APPL2: variants seen among roughly 807,000 people sequenced by gnomAD.
APPL2 encodes DCC-interacting protein 13-beta.
Under a neutral mutation model 92.7 loss-of-function variants are expected in APPL2, and 84 were observed. That is an observed-to-expected ratio of 0.91 (90% confidence interval 0.76 to 1.09). APPL2 has a LOEUF of 1.09. APPL2 is among the 50% of genes least tolerant of loss of function. The pLI, the probability that APPL2 is intolerant of heterozygous loss-of-function variation, is 0.00. For missense variants in APPL2, 736 were observed against 824.5 expected (o/e 0.89, Z 1.31); for synonymous variants, 291 against 291.0 (o/e 1.00, Z 0.00).
At chr12:105,177,361 A>G (rs749078433) in intron 17 of APPL2, 99 bp from the exon 18 acceptor site, 103 of 1,291,362 alleles carry the variant, frequency 8.0e-5, no homozygotes, top group Non-Finnish European at 1.1e-4. Context: ...ATTCCCCGAA[A>G]TAGAGATAAA....
At chr12:105,203,506 G>A (rs17036781) in intron 9 of APPL2, 197 bp downstream of exon 9, 31,230 of 571,728 alleles carry the variant, frequency 0.055, 1,139 homozygotes, top group African/African-American at 0.14. Flanking sequence ...GAGATCTGGA[G>A]AAAACTCTGC....
At chr12:105,212,388 T>C (rs1369335659) in intron 4 of APPL2, among the ~76,000 whole-genome samples, 15 of 152,230 alleles carry the variant, frequency 9.9e-5, no homozygotes, top group Admixed American at 5.9e-4. Flanking sequence ...ATACGCTCAA[T>C]ACTAAGTAGT....
At chr12:105,223,342 A>T (rs1890258639) in intron 2 of APPL2, among the ~76,000 whole-genome samples, 1 of 152,202 alleles carries the variant, frequency 6.6e-6, no homozygotes, top group Non-Finnish European at 1.5e-5. Context: ...AGAAATGGCC[A>T]GGTAGTTGCT....
intron 11 of APPL2, among the ~76,000 whole-genome samples, chr12:105,195,952 G>C (rs531503872): frequency 1.3e-5 from 2 of 152,064 alleles, no homozygotes; most frequent in South Asian, 4.2e-4. Context: ...CTACTAGAGA[G>C]GCTGAAGTGG....
chr12:105,205,940 G>C (rs1420064327), intron 8 of APPL2, among the ~76,000 whole-genome samples: 3 of 152,210 alleles, frequency 2.0e-5, no homozygotes, highest in African/African-American at 2.4e-5. Flanking sequence ...AGAAGACACA[G>C]AAAGACTTTA....
chr12:105,215,166 G>C (rs1294565016), intron 4 of APPL2, among the ~76,000 whole-genome samples: 1 of 152,172 alleles, frequency 6.6e-6, no homozygotes, highest in Non-Finnish European at 1.5e-5. Context: ...CTAGTTTATA[G>C]CTCGTTTGTC....
At chr12:105,201,371 GACCA>G (rs1888187806) in intron 9 of APPL2, among the ~76,000 whole-genome samples, 1 of 152,190 alleles carries the variant, frequency 6.6e-6, no homozygotes, top group Non-Finnish European at 1.5e-5. Flanking sequence ...GAACGTGGAA[GACCA>G]AGCTCAGCAC....
chr12:105,190,216 T>C (rs1887085740), intron 14 of APPL2, 61 bp from the exon 15 acceptor site: 4 of 1,532,366 alleles, frequency 2.6e-6, no homozygotes, highest in Non-Finnish European at 3.5e-6. Flanking sequence ...TGAATACTTG[T>C]TGAAGGCTGA....
chr12:105,175,302 C>T (rs1442837814), intron 20 of APPL2, among the ~76,000 whole-genome samples: 1 of 152,194 alleles, frequency 6.6e-6, no homozygotes, highest in East Asian at 1.9e-4. Context: ...TACTAGCTTA[C>T]AGTGCTTGCC....
intron 8 of APPL2, among the ~76,000 whole-genome samples, chr12:105,204,463 A>G (rs1013697106): frequency 6.6e-6 from 1 of 152,076 alleles, no homozygotes; most frequent in Non-Finnish European, 1.5e-5. Context: ...CTGGGAAAGC[A>G]TGTATTCTAA....
chr12:105,186,681 CATATAT>C (rs373719036), intron 17 of APPL2, among the ~76,000 whole-genome samples: 2 of 45,462 alleles, frequency 4.4e-5, no homozygotes, highest in African/African-American at 8.5e-5. Flanking sequence ...TATGATATAT[CATATAT>C]ATATCATATA....
intron 15 of APPL2, 39 bp from the exon 16 acceptor site, chr12:105,189,863 C>CAGCT (rs1234101109): frequency 6.2e-7 from 1 of 1,613,028 alleles, no homozygotes; most frequent in South Asian, 1.1e-5. Context: ...ACGACAGCTG[C>CAGCT]AGCTAGAAGG....
In APPL2 at chr12:105,174,029, TCAAAC is replaced by T; in HGVS notation, c.*280_*284del. 4.0e-6 allele frequency: 1 copy of T among 252,358 alleles called. No homozygotes were observed. The highest frequency in any genetic ancestry group is 1.2e-3 in the Middle Eastern group (1 of 848). The allele number at this position is 252,358 out of a possible 1,614,324, so 15.6% of individuals were successfully genotyped here. A position where few individuals can be genotyped will look rare whatever the true frequency, so the allele number is the denominator to read the frequency against. Reference sequence around the variant, plus strand: ...GACATTCATATGAACAATGCATTTTTCAAACTTTTGTTCTGAGCGCTGAACAATCT... The same window carrying T: ...GACATTCATATGAACAATGCATTTTTTTTTGTTCTGAGCGCTGAACAATCT... On this transcript the variant is annotated 3_prime_UTR_variant, in exon 21 of 21. Transcript: ENST00000258530.
At chr12:105,218,813 T>A (rs531048709) in intron 2 of APPL2, among the ~76,000 whole-genome samples, 3 of 152,274 alleles carry the variant, frequency 2.0e-5, no homozygotes, top group Admixed American at 1.3e-4. Flanking sequence ...AACCCAAGTA[T>A]CCCAGAAAAC....
At chr12:105,235,306 CTCTCA>C (rs1891164511) in intron 1 of APPL2, 1 of 152,234 alleles carries the variant, frequency 6.6e-6, no homozygotes, top group Non-Finnish European at 1.5e-5. Flanking sequence ...AAGGACTTGA[CTCTCA>C]TCTCGAGTGT....
intron 11 of APPL2, among the ~76,000 whole-genome samples, chr12:105,197,106 A>G (rs1361279539): frequency 6.6e-6 from 1 of 151,968 alleles, no homozygotes; most frequent in East Asian, 1.9e-4. Flanking sequence ...TGAACCCTGA[A>G]GCCCCTCCAT....
chr12:105,214,872 A>T (rs1166280545), intron 4 of APPL2, among the ~76,000 whole-genome samples: 1 of 152,196 alleles, frequency 6.6e-6, no homozygotes, highest in African/African-American at 2.4e-5. Flanking sequence ...GAGGTTGATC[A>T]CATCTATGTG....
At position 105,177,028 on chromosome 12, in the gene APPL2, A is replaced by G. The variant is rs1375929822; in HGVS notation, c.1672-12T>C. ...CTGGTAAGTTCAAACTGGGGGGTGG[A>G]AAAAAAGGCAACAGATCATACAACT... On this transcript the variant is annotated splice_polypyrimidine_tract_variant and intron_variant, in intron 18 of 20. Coordinates refer to ENST00000258530, the MANE Select transcript of APPL2 (RefSeq NM_018171.5). The G allele has an allele frequency of 1.6e-5, 25 of 1,611,740 alleles. No homozygotes were observed. The highest frequency in any genetic ancestry group is 1.7e-4 in the Middle Eastern group (1 of 6,044).
At chr12:105,214,562 A>T (rs1889504265) in intron 4 of APPL2, among the ~76,000 whole-genome samples, 1 of 152,252 alleles carries the variant, frequency 6.6e-6, no homozygotes, top group South Asian at 2.1e-4. Context: ...TATAATAAAA[A>T]ATATGTATTT....
Sources: allele counts gnomAD v4.1 joint callset (sites outside exome capture counted in the v4.1 genomes callset), GRCh38; gene constraint gnomAD v4.1.1; transcripts MANE v1.5; gene names NCBI Gene and HGNC (gene_info 2026-07-23, HGNC 2026-07-21).